OR51B5: variants seen among roughly 807,000 people sequenced by gnomAD.
OR51B5 encodes olfactory receptor family 51 subfamily B member 5, also known as olfactory receptor 51B5.
For missense variants in OR51B5, 456 were observed against 374.6 expected (o/e 1.22, Z -1.79); for synonymous variants, 186 against 144.8 (o/e 1.28, Z -2.04).
chr11:5,363,235 CCTCACACACACA>C (rs1233894235), intron 1 of OR51B5, among the ~76,000 whole-genome samples: 10 of 85,294 alleles, frequency 1.2e-4, no homozygotes, highest in Admixed American at 1.1e-3. Flanking sequence ...GAACCCAACC[CCTCACACACACA>C]CACACACACA....
intron 1 of OR51B5, among the ~76,000 whole-genome samples, chr11:5,409,076 C>A (rs988440523): frequency 6.6e-6 from 1 of 151,994 alleles, no homozygotes; most frequent in Non-Finnish European, 1.5e-5. Context: ...ATGTTGTAGT[C>A]TATGGAAGAC....
intron 1 of OR51B5, among the ~76,000 whole-genome samples, chr11:5,437,124 C>T (rs1017830852): frequency 1.3e-5 from 2 of 152,068 alleles, no homozygotes; most frequent in Non-Finnish European, 2.9e-5. Context: ...CCTGGAGATA[C>T]TGCCCTCTCT....
At chr11:5,478,713 T>A (rs1851360526) in intron 1 of OR51B5, among the ~76,000 whole-genome samples, 1 of 151,412 alleles carries the variant, frequency 6.6e-6, no homozygotes, top group South Asian at 2.1e-4. Context: ...ACGTGAAGAA[T>A]GCAGAAGCCT....
At chr11:5,368,786 C>A (rs1222686168) in intron 1 of OR51B5, among the ~76,000 whole-genome samples, 1 of 152,158 alleles carries the variant, frequency 6.6e-6, no homozygotes, top group Non-Finnish European at 1.5e-5. Context: ...CATAGGCCTT[C>A]TGAAAGCTTA....
intron 1 of OR51B5, among the ~76,000 whole-genome samples, chr11:5,371,578 C>T (rs1049462338): frequency 2.6e-5 from 4 of 151,988 alleles, no homozygotes; most frequent in African/African-American, 7.2e-5. Flanking sequence ...GGACCCTAAA[C>T]AATTAGGAAA....
At chr11:5,354,367 A>C (rs1191691231) in intron 1 of OR51B5, among the ~76,000 whole-genome samples, 1 of 152,240 alleles carries the variant, frequency 6.6e-6, no homozygotes, top group Non-Finnish European at 1.5e-5. Flanking sequence ...ATAACAATAC[A>C]TTTTATAAAT....
At chr11:5,369,216 T>C (rs12802242) in intron 1 of OR51B5, among the ~76,000 whole-genome samples, 34,660 of 147,814 alleles carry the variant, frequency 0.23, 4,227 homozygotes, top group Non-Finnish European at 0.27. Flanking sequence ...TCCCTACTGA[T>C]TTTCTAGTAC....
intron 1 of OR51B5, among the ~76,000 whole-genome samples, chr11:5,457,811 G>C (rs1850982462): frequency 1.3e-5 from 2 of 152,086 alleles, no homozygotes; most frequent in Non-Finnish European, 2.9e-5. Flanking sequence ...ATTTTTAATG[G>C]AGTTATGTGT....
At chr11:5,450,673 G>A (rs1226070476) in intron 1 of OR51B5, among the ~76,000 whole-genome samples, 1 of 152,086 alleles carries the variant, frequency 6.6e-6, no homozygotes, top group African/African-American at 2.4e-5. Flanking sequence ...TTTGTTTAGG[G>A]GTACCTGTGA....
intron 1 of OR51B5, among the ~76,000 whole-genome samples, chr11:5,495,447 A>T (rs1263744607): frequency 6.6e-6 from 1 of 152,266 alleles, no homozygotes; most frequent in Non-Finnish European, 1.5e-5. Flanking sequence ...TTGTGACATT[A>T]GTAACACAAA....
intron 1 of OR51B5, among the ~76,000 whole-genome samples, chr11:5,478,523 C>T (rs1050935271): frequency 1.3e-4 from 18 of 137,862 alleles, no homozygotes; most frequent in East Asian, 3.9e-4. Context: ...ATGACTTTGA[C>T]GAGCTGAGAG....
chr11:5,356,893 G>C, intron 1 of OR51B5, among the ~76,000 whole-genome samples: 1 of 147,948 alleles, frequency 6.8e-6, no homozygotes, highest in African/African-American at 2.5e-5. Context: ...ATAAGTGAAG[G>C]AGAAATAAAA....
intron 1 of OR51B5, among the ~76,000 whole-genome samples, chr11:5,387,693 T>C (rs1170615504): frequency 6.7e-6 from 1 of 150,240 alleles, no homozygotes; most frequent in Non-Finnish European, 1.5e-5. Context: ...AGCTGCTCTC[T>C]GCTTCAGGAA....
intron 1 of OR51B5, among the ~76,000 whole-genome samples, chr11:5,364,601 G>A (rs1166964682): frequency 1.2e-5 from 1 of 82,086 alleles, no homozygotes; most frequent in East Asian, 2.2e-4. Flanking sequence ...CTAAGCGTGA[G>A]AGGTATTTAT....
At chr11:5,441,358 A>T in intron 1 of OR51B5, 1 of 1,614,006 alleles carries the variant, frequency 6.2e-7, no homozygotes, top group Non-Finnish European at 8.5e-7. Context: ...GCAGGCTCCC[A>T]AAACACCAGA....
At chr11:5,466,709 G>A (rs1195410463) in intron 1 of OR51B5, among the ~76,000 whole-genome samples, 2 of 152,214 alleles carry the variant, frequency 1.3e-5, no homozygotes, top group Non-Finnish European at 2.9e-5. Context: ...TCTGAAGGGA[G>A]AGGCAATGGC....
chr11:5,454,324 T>C, intron 1 of OR51B5: 1 of 1,614,164 alleles, frequency 6.2e-7, no homozygotes, highest in Non-Finnish European at 8.5e-7. Context: ...ATGTCAAATG[T>C]GTACCTATTT....
chr11:5,416,525 A>G (rs1052039648), intron 1 of OR51B5, among the ~76,000 whole-genome samples: 6 of 151,446 alleles, frequency 4.0e-5, no homozygotes, highest in Admixed American at 4.0e-4. Flanking sequence ...TATCTAGAAA[A>G]CCCCATTGTC....
intron 1 of OR51B5, among the ~76,000 whole-genome samples, chr11:5,416,127 C>G: frequency 6.7e-6 from 1 of 149,686 alleles, no homozygotes; most frequent in Non-Finnish European, 1.5e-5. Flanking sequence ...TCAATATATG[C>G]AAATCAATAA....
Sources: gnomAD v4.1 joint callset for allele counts (sites outside exome capture counted in the v4.1 genomes callset) on GRCh38, gnomAD v4.1.1 for gene constraint, MANE v1.5 for transcripts, NCBI Gene and HGNC (gene_info 2026-07-23, HGNC 2026-07-21) for gene names.